The following GRIP1 variants were observed in gnomAD, a reference collection of about 807,000 sequenced individuals.
The protein encoded by GRIP1 is glutamate receptor-interacting protein 1.
GRIP1 carries 45 observed loss-of-function variants against 129.9 expected under a neutral mutation model. That is an observed-to-expected ratio of 0.35 (90% CI 0.27 to 0.44). The LOEUF is 0.44. Among genes scored for constraint, GRIP1 ranks in the 20% least tolerant of loss-of-function variants. The pLI is 1.00. For synonymous variants in GRIP1, 530 were observed against 520.8 expected (o/e 1.02, Z -0.24); for missense variants, 1,196 against 1,396.8 (o/e 0.86, Z 2.29).
At chr12:66,419,440 TA>T (rs1192914244) in intron 15 of GRIP1, among the ~76,000 whole-genome samples, 1 of 152,074 alleles carries the variant, frequency 6.6e-6, no homozygotes, top group Non-Finnish European at 1.5e-5. Context: ...TAAAAATAAC[TA>T]AAAAAGTATA....
chr12:66,452,070 C>T (rs2138197013), intron 11 of GRIP1, among the ~76,000 whole-genome samples: 1 of 152,344 alleles, frequency 6.6e-6, no homozygotes, highest in East Asian at 1.9e-4. Context: ...TGTGTTCTAA[C>T]TTCTACTCTT....
chr12:66,847,486 G>T (rs1243691885), intron 1 of GRIP1, among the ~76,000 whole-genome samples: 1 of 152,074 alleles, frequency 6.6e-6, no homozygotes, highest in South Asian at 2.1e-4. Context: ...CCAGCTATAT[G>T]CTTTAATTTT....
rs139351230 is a variant in GRIP1 at position 66,940,695 on chromosome 12, C to G, written c.58+128355G>C. ...AGCAGGAAAATCATCAGGGTCATTA[C>G]AGACTATTGATTCATTTTCTACAAA... On this transcript the variant is annotated intron_variant, in intron 1 of 1. Coordinates refer to the GRIP1 transcript ENST00000643019. 3.7e-4 allele frequency among the ~76,000 whole-genome samples: 56 copies of G among 152,168 alleles called. 1 individual carries two copies. The highest frequency in any genetic ancestry group is 4.6e-4 in the Admixed American group (7 of 15,272).
At chr12:66,815,667 A>C (rs2136965899) in intron 1 of GRIP1, among the ~76,000 whole-genome samples, 1 of 152,104 alleles carries the variant, frequency 6.6e-6, no homozygotes, top group South Asian at 2.1e-4. Context: ...GGGAGGCTAA[A>C]GTGGGAGGAT....
At chr12:66,385,410 C>T (rs1254803875) in intron 19 of GRIP1, among the ~76,000 whole-genome samples, 2 of 151,804 alleles carry the variant, frequency 1.3e-5, no homozygotes, top group Non-Finnish European at 2.9e-5. Flanking sequence ...GTGGTGGGCA[C>T]CTGTAGTCCC....
chr12:66,926,905 T>C (rs962223425), intron 1 of GRIP1, among the ~76,000 whole-genome samples: 16 of 152,244 alleles, frequency 1.1e-4, no homozygotes, highest in African/African-American at 9.6e-5. Flanking sequence ...CAGTAGGATA[T>C]GAACTACTTA....
intron 7 of GRIP1, among the ~76,000 whole-genome samples, chr12:66,507,871 A>G (rs754922662): frequency 4.6e-5 from 7 of 152,008 alleles, no homozygotes; most frequent in Non-Finnish European, 1.0e-4. Flanking sequence ...CCTGACCTGA[A>G]ACAATCCTCC....
At chr12:66,964,323 T>C (rs1349955499) in intron 1 of GRIP1, among the ~76,000 whole-genome samples, 1 of 152,112 alleles carries the variant, frequency 6.6e-6, no homozygotes, top group African/African-American at 2.4e-5. Context: ...AGAGGAGAGA[T>C]ACTGACAGTA....
Position 66,397,511 on chromosome 12 carries a change from TAA to T in GRIP1, c.1985-3161_1985-3160del, listed in dbSNP as rs869155182. ...GTGAGTGACACAGCAAGACACCCTC[TAA>T]AAAAAAAAAAAAAGCTATGTGTTTT... On this transcript the variant is annotated intron_variant, in intron 16 of 24. Transcript: ENST00000359742. Among the ~76,000 whole-genome samples the T allele has an allele frequency of 4.1e-3, 531 of 129,350 alleles. 1 individual carries two copies. Among genetic ancestry groups the T allele is most frequent in the African/African-American group, 0.013 (472 of 35,048 alleles). 84.9% of individuals were successfully genotyped at this position (129,350 alleles called of 152,430 possible).
intron 7 of GRIP1, among the ~76,000 whole-genome samples, chr12:66,511,715 G>A (rs894149147): frequency 4.6e-5 from 7 of 152,212 alleles, no homozygotes; most frequent in Admixed American, 1.3e-4. Context: ...CTTTTGGGTG[G>A]TAGGACCATC....
chr12:66,946,250 T>C (rs2041666258), intron 1 of GRIP1, among the ~76,000 whole-genome samples: 1 of 152,182 alleles, frequency 6.6e-6, no homozygotes, highest in Non-Finnish European at 1.5e-5. Context: ...ATTATTTTAC[T>C]CTCTTATTTA....
chr12:66,901,347 C>T (rs1162551260), intron 1 of GRIP1, among the ~76,000 whole-genome samples: 1 of 152,226 alleles, frequency 6.6e-6, no homozygotes, highest in Non-Finnish European at 1.5e-5. Context: ...AGAAGTAGGC[C>T]TAAGACTTGT....
At chr12:66,840,338 T>G (rs992283140) in intron 1 of GRIP1, among the ~76,000 whole-genome samples, 2 of 152,064 alleles carry the variant, frequency 1.3e-5, no homozygotes, top group Non-Finnish European at 2.9e-5. Context: ...GAGCTATCAG[T>G]TTGGGGTGGT....
chr12:66,696,903 T>A (rs1458184828), intron 1 of GRIP1, among the ~76,000 whole-genome samples: 1 of 151,900 alleles, frequency 6.6e-6, no homozygotes, highest in Admixed American at 6.6e-5. Context: ...ATTTGGTAGA[T>A]GCAAAAAAAG....
At chr12:66,974,082 G>A (rs1024436699) in intron 1 of GRIP1, among the ~76,000 whole-genome samples, 2 of 151,776 alleles carry the variant, frequency 1.3e-5, no homozygotes, top group East Asian at 1.9e-4. Context: ...CTGCCAACAC[G>A]CCCAACTAAT....
chr12:66,950,439 TAATC>T (rs1426181766), intron 1 of GRIP1, among the ~76,000 whole-genome samples: 1 of 152,188 alleles, frequency 6.6e-6, no homozygotes, highest in African/African-American at 2.4e-5. Context: ...TATCCACTTT[TAATC>T]AATTTATTAC....
At chr12:66,680,085 T>C (rs1216963242), upstream of GRIP1, among the ~76,000 whole-genome samples, 1 of 151,952 alleles carries the variant, frequency 6.6e-6, no homozygotes, top group African/African-American at 2.4e-5. Context: ...AATTAGACAG[T>C]TGGCCAGGAA....
intron 2 of GRIP1, among the ~76,000 whole-genome samples, chr12:66,566,484 T>C (rs527758196): frequency 1.3e-5 from 2 of 152,312 alleles, no homozygotes; most frequent in East Asian, 3.9e-4. Context: ...TTGACCGTGG[T>C]GGATAAGCTT....
chr12:67,005,679 T>C (rs2042615831), intron 1 of GRIP1, among the ~76,000 whole-genome samples: 1 of 152,232 alleles, frequency 6.6e-6, no homozygotes, highest in Non-Finnish European at 1.5e-5. Flanking sequence ...TGCCAGGCAC[T>C]GCACTAGGCA....
Sources: gnomAD v4.1 joint callset for allele counts (sites outside exome capture counted in the v4.1 genomes callset) on GRCh38, gnomAD v4.1.1 for gene constraint, MANE v1.5 for transcripts, NCBI Gene and HGNC (gene_info 2026-07-23, HGNC 2026-07-21) for gene names.